The following NECAB2 variants were observed in gnomAD, a reference collection of about 807,000 sequenced individuals.
NECAB2 encodes the protein N-terminal EF-hand calcium-binding protein 2.
NECAB2 carries 68 observed loss-of-function variants against 51.9 expected under a neutral mutation model. The ratio of observed to expected loss-of-function variants is 1.31; its 90% CI spans 1.08 to 1.60. NECAB2 has a LOEUF of 1.60. NECAB2 is among the 40% of genes most tolerant of loss of function. The pLI, the probability that NECAB2 is intolerant of heterozygous loss-of-function variation, is 0.00. For missense variants in NECAB2, 854 were observed against 490.3 expected (o/e 1.74, Z -7.00); for synonymous variants, 329 against 203.5 (o/e 1.62, Z -5.25).
chr16:84,001,804 A>C (rs750179171), intron 11 of NECAB2, 21 bp from the exon 12 acceptor site: 14 of 1,613,164 alleles, frequency 8.7e-6, no homozygotes, highest in Middle Eastern at 1.6e-4. Context: ...CCCCTGACTC[A>C]CACATGTCCC....
Position 84,002,215 on chromosome 16 carries a change from G to C in NECAB2, c.1133-103G>C, listed in dbSNP as rs867645644. 4.5e-5 allele frequency: 64 copies of C among 1,407,552 alleles called. No individual in the cohort carries two copies. In the African/African-American group the frequency reaches 7.3e-4, roughly 16 times the overall value. The allele number at this position is 1,407,552 out of a possible 1,614,324, so 87.2% of individuals were successfully genotyped here. On this transcript the variant is annotated intron_variant, in intron 12 of 12. Coordinates refer to ENST00000305202, the MANE Select transcript of NECAB2 (RefSeq NM_019065.3). ...AGCAAGGACCTGTGTGTCACACAAG[G>C]ACTCAAAGCCATCCCCCGACCTGTC... is the stretch of plus-strand genomic sequence containing the variant.
In NECAB2 at chr16:83,968,770, C is replaced by T; in HGVS notation, c.122C>T (p.Pro41Leu). Residue 41 changes from proline to leucine, a missense_variant, in exon 1 of 13, where the codon CCC becomes CTC. By Grantham distance (98) the Pro-to-Leu change is moderately conservative (BLOSUM62 -3). Transcript: ENST00000305202. ...LRWVGARMGEPRESLAPAAPA... is the reference protein window; with the variant it reads ...LRWVGARMGELRESLAPAAPA... ...TGGGTGGGCGCCAGGATGGGCGAGC[C>T]CCGGGAGTCGCTGGCCCCCGCCGCC... 1 of 1,099,126 alleles carries T rather than the reference C, an allele frequency of 9.1e-7. No individual in the cohort carries two copies. Among genetic ancestry groups the T allele is most frequent in the Non-Finnish European group, 1.1e-6 (1 of 904,804 alleles). 68.1% of individuals were successfully genotyped at this position (1,099,126 alleles called of 1,614,324 possible).
chr16:83,998,057 C>T, intron 9 of NECAB2, 148 bp from the exon 10 acceptor site: 2 of 688,962 alleles, frequency 2.9e-6, no homozygotes, highest in Admixed American at 2.8e-5. Flanking sequence ...CATTTTTAGT[C>T]CATTCTTATC....
chr16:83,975,633 C>A (rs927418231), intron 2 of NECAB2, among the ~76,000 whole-genome samples: 1 of 152,100 alleles, frequency 6.6e-6, no homozygotes, highest in African/African-American at 2.4e-5. Context: ...ATGCCCAGTC[C>A]CTATGGGAAG....
At chr16:83,965,451 C>T (rs141102431), upstream of NECAB2, 30 of 1,597,586 alleles carry the variant, frequency 1.9e-5, no homozygotes, top group African/African-American at 5.3e-5. Context: ...ATCATTGGCG[C>T]GGGGCTGTCA....
chr16:83,981,402 G>T (rs1043643568), intron 5 of NECAB2, among the ~76,000 whole-genome samples: 68 of 138,202 alleles, frequency 4.9e-4, no homozygotes, highest in African/African-American at 1.8e-3. Flanking sequence ...ATCACCCTGT[G>T]CCCTTAAGGG....
At chr16:83,995,377 T>A (rs1477707886) in intron 8 of NECAB2, among the ~76,000 whole-genome samples, 3 of 149,534 alleles carry the variant, frequency 2.0e-5, no homozygotes, top group African/African-American at 7.7e-5. Context: ...CTTAGATTCC[T>A]CCTCTGATAA....
At chr16:83,994,870 C>G (rs1053601769) in intron 8 of NECAB2, among the ~76,000 whole-genome samples, 182 bp downstream of exon 8, 1 of 152,138 alleles carries the variant, frequency 6.6e-6, no homozygotes, top group Non-Finnish European at 1.5e-5. Flanking sequence ...CCGGGGGATG[C>G]TCGTGTTGTT....
At chr16:83,982,029 G>GA (rs1258270138) in intron 5 of NECAB2, among the ~76,000 whole-genome samples, 1 of 152,202 alleles carries the variant, frequency 6.6e-6, no homozygotes, top group Admixed American at 6.5e-5. Context: ...GTGAAATGGA[G>GA]ACATCCACCT....
At chr16:83,977,111 C>T (rs893587191) in intron 2 of NECAB2, among the ~76,000 whole-genome samples, 2 of 152,198 alleles carry the variant, frequency 1.3e-5, no homozygotes, top group East Asian at 1.9e-4. Context: ...TTTTCTAATC[C>T]ATAGGAAGGT....
At chr16:83,991,816 A>AT (rs1222970973) in intron 6 of NECAB2, among the ~76,000 whole-genome samples, 5,071 of 112,504 alleles carry the variant, frequency 0.045, 336 homozygotes, top group African/African-American at 0.14. Flanking sequence ...ACACCCAGCT[A>AT]TTTTTTTTTT....
At chr16:83,974,535 C>G (rs1204265712) in intron 2 of NECAB2, among the ~76,000 whole-genome samples, 3 of 152,148 alleles carry the variant, frequency 2.0e-5, no homozygotes, top group East Asian at 1.9e-4. Flanking sequence ...CACTGAACGT[C>G]TGTTATGCAC....
At chr16:83,991,450 TC>T (rs1418675095) in intron 6 of NECAB2, among the ~76,000 whole-genome samples, 1 of 147,764 alleles carries the variant, frequency 6.8e-6, no homozygotes, top group African/African-American at 2.6e-5. Flanking sequence ...CACTGCAACG[TC>T]CGCCTCCCAG....
At chr16:83,996,471 T>G (rs544918756) in intron 8 of NECAB2, among the ~76,000 whole-genome samples, 2 of 152,204 alleles carry the variant, frequency 1.3e-5, no homozygotes, top group Admixed American at 1.3e-4. Context: ...TGGCGTGCTT[T>G]ACCTGTGGCT....
intron 5 of NECAB2, among the ~76,000 whole-genome samples, chr16:83,989,143 A>C (rs2084590240): frequency 6.6e-6 from 1 of 152,116 alleles, no homozygotes; most frequent in African/African-American, 2.4e-5. Context: ...TTACCAAGTT[A>C]TGTCTTCATG....
At chr16:83,972,126 C>T in intron 1 of NECAB2, 25 bp from the exon 2 acceptor site, 1 of 1,612,998 alleles carries the variant, frequency 6.2e-7, no homozygotes, top group Non-Finnish European at 8.5e-7. Flanking sequence ...TGGCCCAGGG[C>T]TGACTCCGCC....
At chr16:83,996,027 C>G (rs1294080573) in intron 8 of NECAB2, among the ~76,000 whole-genome samples, 2 of 152,234 alleles carry the variant, frequency 1.3e-5, no homozygotes, top group Non-Finnish European at 1.5e-5. Flanking sequence ...GTCCTCCTCC[C>G]CAGCCTCTAA....
intron 2 of NECAB2, among the ~76,000 whole-genome samples, chr16:83,974,384 G>T (rs757294363): frequency 6.6e-6 from 1 of 152,094 alleles, no homozygotes; most frequent in African/African-American, 2.4e-5. Context: ...TCCTGGCTTC[G>T]CTCATTGAAG....
chr16:83,996,412 G>A lies in NECAB2; in HGVS notation c.796-804G>A, dbSNP rs369213206. ...CTTGCTCAAACATTTAGAACGTCAC[G>A]GTGGTGACTACACAGACTCATCCAC... On this transcript the variant is annotated intron_variant, in intron 8 of 12. Transcript: ENST00000305202. Among the ~76,000 whole-genome samples, 96 of 152,256 alleles carry A rather than the reference G, an allele frequency of 6.3e-4. No homozygotes were observed. In the East Asian group the frequency reaches 0.01, roughly 16 times the overall value.
Sources: allele counts gnomAD v4.1 joint callset (sites outside exome capture counted in the v4.1 genomes callset), GRCh38; gene constraint gnomAD v4.1.1; transcripts MANE v1.5; gene names NCBI Gene and HGNC (gene_info 2026-07-23, HGNC 2026-07-21).